ABCA13: variants seen among roughly 807,000 people sequenced by gnomAD.
ABCA13 encodes ATP-binding cassette sub-family A member 13.
A neutral mutation model predicts 478.7 loss-of-function variants in ABCA13; 476 were observed. The observed-to-expected ratio is 0.99, with a 90% CI of 0.92 to 1.07. The LOEUF (loss-of-function observed/expected upper bound fraction) is 1.07, where lower values mean the gene tolerates loss of function less well. Among genes scored for constraint, ABCA13 ranks in the 50% least tolerant of loss-of-function variants. ABCA13 has a pLI of 0.00. For synonymous variants in ABCA13, 2,252 were observed against 2,158.9 expected, an observed-to-expected ratio of 1.04 and a Z score of -1.20; for missense variants, 6,060 against 5,910.6, an observed-to-expected ratio of 1.03 and a Z score of -0.83.
At chr7:48,425,729 T>C (rs1359603630) in intron 41 of ABCA13, among the ~76,000 whole-genome samples, 1 of 117,068 alleles carries the variant, frequency 8.5e-6, no homozygotes, top group Non-Finnish European at 2.0e-5. Context: ...CTATAATATG[T>C]CTTATTTATT....
At chr7:48,497,291 A>G (rs1019557795) in intron 48 of ABCA13, among the ~76,000 whole-genome samples, 4 of 151,970 alleles carry the variant, frequency 2.6e-5, no homozygotes, top group African/African-American at 9.7e-5. Context: ...TCATTTTTTA[A>G]TCATTTATAT....
At chr7:48,447,232 T>C (rs1489308297) in intron 42 of ABCA13, among the ~76,000 whole-genome samples, 1 of 152,140 alleles carries the variant, frequency 6.6e-6, no homozygotes, top group African/African-American at 2.4e-5. Flanking sequence ...CATATCTACC[T>C]CCAGGAAGCT....
At chr7:48,595,536 A>T (rs928140001) in intron 58 of ABCA13, among the ~76,000 whole-genome samples, 9 of 152,322 alleles carry the variant, frequency 5.9e-5, no homozygotes, top group African/African-American at 1.9e-4. Context: ...ATTTAGCTTG[A>T]TACAGTTTTA....
chr7:48,228,809 G>A (rs188449676), intron 6 of ABCA13, among the ~76,000 whole-genome samples: 3 of 152,308 alleles, frequency 2.0e-5, no homozygotes, highest in South Asian at 4.1e-4. Flanking sequence ...GCCTCCCTTT[G>A]TATTCTTGCC....
intron 29 of ABCA13, 75 bp downstream of exon 29, chr7:48,338,530 G>A: frequency 1.8e-6 from 2 of 1,134,448 alleles, no homozygotes; most frequent in Non-Finnish European, 2.5e-6. Context: ...CTCCCCCTTG[G>A]GCCATGGCAT....
At chr7:48,360,083 C>CACA (rs1810578799) in intron 31 of ABCA13, among the ~76,000 whole-genome samples, 2 of 151,908 alleles carry the variant, frequency 1.3e-5, no homozygotes, top group South Asian at 4.2e-4. Context: ...GGTACATGTG[C>CACA]ACAACGTGCA....
Position 48,310,155 on chromosome 7 carries a change from G to C in ABCA13, c.9516+14G>C. 1.3e-6 allele frequency: 2 copies of C among 1,592,674 alleles called. No homozygotes were observed. The highest frequency in any genetic ancestry group is 8.6e-7 in the Non-Finnish European group (1 of 1,168,440). The stretch of plus-strand genomic sequence containing the variant: ...TTCATTTACAAGGTATGGAGAGCAT[G>C]CTGGCTGGGGGCAGTCCTCTGCAGG... On this transcript the variant is annotated intron_variant, in intron 24 of 61. Transcript: ENST00000435803.
chr7:48,569,888 A>G (rs1787440888), intron 55 of ABCA13, among the ~76,000 whole-genome samples: 1 of 152,078 alleles, frequency 6.6e-6, no homozygotes, highest in Non-Finnish European at 1.5e-5. Context: ...ATTCTGGAGA[A>G]TTGCTTCTAT....
At chr7:48,295,313 C>T (rs763588559) in intron 20 of ABCA13, among the ~76,000 whole-genome samples, 1 of 152,180 alleles carries the variant, frequency 6.6e-6, no homozygotes, top group Non-Finnish European at 1.5e-5. Context: ...ACCTGTTTGC[C>T]ATTTTGATGT....
In ABCA13 at chr7:48,528,255, T is replaced by C. The variant is rs1246320086; in HGVS notation, c.14264T>C (p.Val4755Ala). 6.3e-7 allele frequency: 1 copy of C among 1,575,578 alleles called. No individual in the cohort carries two copies. Among genetic ancestry groups the C allele is most frequent in the Admixed American group, 1.8e-5 (1 of 54,298 alleles). ...PKGECFGLLG[V>A]NGAGKSTTFK... ...TCTTAGTGCTTTGGACTTCTAGGGG[T>C]GAATGGAGCTGGGAAGAGCACGACT... The change falls in exon 55 of 62, where the codon GTG becomes GCG. Residue 4755 changes from valine to alanine, a missense_variant. Around this residue, in one of 3 missense-constraint regions of ABCA13, gnomAD observed 1,627 missense variants for 1,571.0 expected, o/e 1.04. Transcript: ENST00000435803.
intron 1 of ABCA13, among the ~76,000 whole-genome samples, chr7:48,183,823 A>C (rs1478462846): frequency 6.6e-6 from 1 of 152,132 alleles, no homozygotes; most frequent in Non-Finnish European, 1.5e-5. Context: ...GGTTTGCATG[A>C]CTTCCAATTT....
chr7:48,507,939 T>A lies in ABCA13; in HGVS notation c.13414T>A (p.Ser4472Thr), dbSNP rs370816620. ...IVLGFSILSA[S>T]IGSSVVRDRV... Reference sequence around the variant, plus strand: ...GCTGGGATTCTCCATCCTGTCTGCATCCATCGGCAGCTCTGTGGTGAGGGA... The same window carrying A: ...GCTGGGATTCTCCATCCTGTCTGCAACCATCGGCAGCTCTGTGGTGAGGGA... Residue 4472 changes from serine to threonine, a missense_variant, in exon 50 of 62, where the codon TCC becomes ACC. This residue lies in a region of ABCA13 where 1,627 missense variants were observed against 1,571.0 expected (regional missense o/e 1.04). Transcript: ENST00000435803. The A allele has an allele frequency of 1.9e-6, 3 of 1,613,610 alleles. No individual in the cohort carries two copies. The highest frequency in any genetic ancestry group is 2.5e-6 in the Non-Finnish European group (3 of 1,179,776).
In ABCA13 at chr7:48,273,899, T is replaced by G. The variant is rs1311676239; in HGVS notation, c.4233T>G (p.Ser1411Arg). The G allele has an allele frequency of 6.2e-7, 1 of 1,612,964 alleles. No homozygotes were observed. Among genetic ancestry groups the G allele is most frequent in the Admixed American group, 1.7e-5 (1 of 59,890 alleles). Residue 1411 changes from serine (S) to arginine (R), a missense_variant, in exon 17 of 62, where the codon AGT becomes AGG. Coordinates refer to ENST00000435803, the MANE Select transcript of ABCA13 (RefSeq NM_152701.5). Reference protein sequence around the residue: ...INHLYLLSNSSFSQGHLQNIL... With the variant: ...INHLYLLSNSRFSQGHLQNIL... Reference sequence around the variant, plus strand: ...ATTTGTATTTGTTGTCTAACTCCAGTTTTTCACAAGGTCATCTTCAAAATA... The same window carrying G: ...ATTTGTATTTGTTGTCTAACTCCAGGTTTTCACAAGGTCATCTTCAAAATA...
At chr7:48,391,802 G>T (rs1816097603) in intron 37 of ABCA13, 119 bp from the exon 38 acceptor site, 1 of 918,968 alleles carries the variant, frequency 1.1e-6, no homozygotes, top group South Asian at 1.6e-5. Context: ...TAAAAACCAG[G>T]TCAGCAGAAG....
chr7:48,216,801 G>A (rs1786543983), intron 3 of ABCA13, among the ~76,000 whole-genome samples: 1 of 152,046 alleles, frequency 6.6e-6, no homozygotes, highest in Non-Finnish European at 1.5e-5. Context: ...TTTTGCATGT[G>A]GATATGCAGT....
At chr7:48,599,047 C>G (rs1038246572) in intron 58 of ABCA13, among the ~76,000 whole-genome samples, 2 of 151,846 alleles carry the variant, frequency 1.3e-5, no homozygotes, top group Non-Finnish European at 2.9e-5. Context: ...TGCTTATTTT[C>G]TCACCCAATA....
chr7:48,235,489 A>G (rs557472647), intron 8 of ABCA13, among the ~76,000 whole-genome samples: 3 of 152,234 alleles, frequency 2.0e-5, no homozygotes, highest in Admixed American at 6.5e-5. Flanking sequence ...GAAATTGTAC[A>G]TCATGTGTGT....
intron 48 of ABCA13, among the ~76,000 whole-genome samples, chr7:48,491,783 G>A (rs1216110467): frequency 6.6e-6 from 1 of 152,146 alleles, no homozygotes; most frequent in Non-Finnish European, 1.5e-5. Flanking sequence ...ATCCCTTGAT[G>A]CTTGCTTGTT....
At chr7:48,340,381 C>T (rs531163001) in intron 29 of ABCA13, among the ~76,000 whole-genome samples, 2 of 152,188 alleles carry the variant, frequency 1.3e-5, no homozygotes, top group African/African-American at 4.8e-5. Context: ...GCTGGGATTA[C>T]AGGCGTGAGC....
Sources: allele counts gnomAD v4.1 joint callset (sites outside exome capture counted in the v4.1 genomes callset), GRCh38; gene constraint gnomAD v4.1.1; regional missense constraint gnomAD v4.1.1; transcripts MANE v1.5; gene names NCBI Gene and HGNC (gene_info 2026-07-23, HGNC 2026-07-21).